The following MAN1A1 variants were observed in gnomAD, a reference collection of about 807,000 sequenced individuals.
The protein encoded by MAN1A1 is mannosidase alpha class 1A member 1, also known as mannosyl-oligosaccharide 1,2-alpha-mannosidase IA.
Under a neutral mutation model 70.8 loss-of-function variants are expected in MAN1A1, and 29 were observed. The observed-to-expected ratio is 0.41, with a 90% CI of 0.31 to 0.56. The LOEUF (loss-of-function observed/expected upper bound fraction) is 0.56, where lower values mean the gene tolerates loss of function less well. MAN1A1 is among the 20% of genes least tolerant of loss of function. MAN1A1 has a pLI of 0.29. For missense variants in MAN1A1, 747 were observed against 841.3 expected, an observed-to-expected ratio of 0.89 and a Z score of 1.39; for synonymous variants, 349 against 330.1, an observed-to-expected ratio of 1.06 and a Z score of -0.62.
At chr6:119,297,828 C>T (rs1451590691) in intron 4 of MAN1A1, among the ~76,000 whole-genome samples, 9 of 129,400 alleles carry the variant, frequency 7.0e-5, no homozygotes, top group South Asian at 2.4e-4. Context: ...ATAGAGATGG[C>T]GGCGGTGGGG....
chr6:119,274,941 T>C lies in MAN1A1; in HGVS notation c.897+15742A>G, dbSNP rs567729487. Among the ~76,000 whole-genome samples the C allele has an allele frequency of 3.3e-5, 5 of 152,326 alleles. No homozygotes were observed. In the South Asian group the frequency reaches 6.2e-4, roughly 19 times the overall value. ...TTAAAAATTCAAGGACAGCTTTGTGTTTTGAGAAAGACTTAAGTGCAATGA... is the reference window on the plus strand; with the variant it reads ...TTAAAAATTCAAGGACAGCTTTGTGCTTTGAGAAAGACTTAAGTGCAATGA... On this transcript the variant is annotated intron_variant, in intron 5 of 12. Coordinates refer to ENST00000368468, the MANE Select transcript of MAN1A1 (RefSeq NM_005907.4).
At chr6:119,209,879 G>C (rs1173491306) in intron 6 of MAN1A1, among the ~76,000 whole-genome samples, 1 of 152,132 alleles carries the variant, frequency 6.6e-6, no homozygotes, top group Non-Finnish European at 1.5e-5. Flanking sequence ...TCTGGGGAAA[G>C]GTGGCTAATA....
intron 2 of MAN1A1, among the ~76,000 whole-genome samples, chr6:119,310,992 G>A (rs952627942): frequency 1.3e-5 from 2 of 152,140 alleles, no homozygotes; most frequent in Admixed American, 6.5e-5. Context: ...GGTCACGGGC[G>A]AACGCATATG....
chr6:119,317,049 CTTTCT>C (rs1259272173), intron 2 of MAN1A1, among the ~76,000 whole-genome samples: 7 of 150,950 alleles, frequency 4.6e-5, no homozygotes, highest in African/African-American at 1.7e-4. Flanking sequence ...CCCTTTTATC[CTTTCT>C]TTTGTGTGTG....
At chr6:119,202,392 G>C (rs969677930) in intron 7 of MAN1A1, among the ~76,000 whole-genome samples, 1 of 152,012 alleles carries the variant, frequency 6.6e-6, no homozygotes, top group Non-Finnish European at 1.5e-5. Flanking sequence ...GCAGTAGCAC[G>C]CATGGAGCTG....
intron 2 of MAN1A1, among the ~76,000 whole-genome samples, chr6:119,331,599 A>ATAAT (rs1207147407): frequency 7.0e-6 from 1 of 143,654 alleles, no homozygotes; most frequent in East Asian, 2.0e-4. Flanking sequence ...ATATATATAT[A>ATAAT]ATCAAGGGGA....
At chr6:119,191,953 T>G (rs1773453691) in intron 9 of MAN1A1, among the ~76,000 whole-genome samples, 1 of 151,372 alleles carries the variant, frequency 6.6e-6, no homozygotes. Flanking sequence ...AATTTAGTTG[T>G]TCTAGCTTTG....
At chr6:119,293,398 T>G (rs539189193) in intron 4 of MAN1A1, among the ~76,000 whole-genome samples, 2 of 152,138 alleles carry the variant, frequency 1.3e-5, no homozygotes, top group African/African-American at 4.8e-5. Flanking sequence ...TCACTTGCTA[T>G]GGCTTTGGAT....
chr6:119,323,352 T>C (rs761900879), intron 2 of MAN1A1, among the ~76,000 whole-genome samples: 23 of 152,360 alleles, frequency 1.5e-4, no homozygotes, highest in African/African-American at 4.3e-4. Context: ...TTTTGCCATA[T>C]TGATGTAAGC....
At chr6:119,246,875 G>A (rs528004264) in intron 6 of MAN1A1, among the ~76,000 whole-genome samples, 1 of 152,204 alleles carries the variant, frequency 6.6e-6, no homozygotes, top group East Asian at 1.9e-4. Flanking sequence ...CAAGCTGACA[G>A]AGAAAGCCTG....
intron 4 of MAN1A1, among the ~76,000 whole-genome samples, chr6:119,291,981 G>A (rs890855551): frequency 2.0e-5 from 3 of 151,884 alleles, no homozygotes; most frequent in African/African-American, 7.2e-5. Flanking sequence ...GACTTATAGT[G>A]GTTAATGTGA....
In MAN1A1 at chr6:119,260,976, G is replaced by GCTTTTTTTTTTTTTTTTTTT. The variant is rs1554209499; in HGVS notation, c.898-12623_898-12622insAAAAAAAAAAAAAAAAAAAG. 6.0e-5 allele frequency among the ~76,000 whole-genome samples: 7 copies of GCTTTTTTTTTTTTTTTTTTT among 116,942 alleles called. 2 individuals carry two copies. The highest frequency in any genetic ancestry group is 2.0e-4 in the African/African-American group (6 of 29,832). 76.7% of individuals were successfully genotyped at this position (116,942 alleles called of 152,430 possible). ...TATCTAAATGTCTTGTTTTTTTATT[G>GCTTTTTTTTTTTTTTTTTTT]TTTTTTTTTTTTTTTTTTTTGAGAT... On this transcript the variant is annotated intron_variant, in intron 5 of 12. Transcript: ENST00000368468.
chr6:119,324,108 G>A lies in MAN1A1; in HGVS notation c.604-17116C>T, dbSNP rs78681435. On this transcript the variant is annotated intron_variant, in intron 2 of 12. Coordinates refer to ENST00000368468, the MANE Select transcript of MAN1A1 (RefSeq NM_005907.4). ...TTGAACAACATGGGTTTGAACTGTGGGAGTCTGTTTATACTTGGATTTTCT... is the reference window on the plus strand; with the variant it reads ...TTGAACAACATGGGTTTGAACTGTGAGAGTCTGTTTATACTTGGATTTTCT... 5.9e-3 allele frequency among the ~76,000 whole-genome samples: 895 copies of A among 152,150 alleles called. 30 individuals carry two copies. The East Asian group carries it at 0.09, about 15-fold the overall frequency.
Position 119,266,622 on chromosome 6 carries a change from C to T in MAN1A1, c.898-18268G>A, listed in dbSNP as rs186309686. 9.2e-3 allele frequency among the ~76,000 whole-genome samples: 1,400 copies of T among 152,082 alleles called. 11 individuals carry two copies. The highest frequency in any genetic ancestry group is 0.012 in the Non-Finnish European group (838 of 67,960). On this transcript the variant is annotated intron_variant, in intron 5 of 12. Transcript: ENST00000368468. Reference sequence around the variant, plus strand: ...GGATCATAGACCTAAATGTAAAATGCAATACTATAAAACTCCTAGAAGATA... The same window carrying T: ...GGATCATAGACCTAAATGTAAAATGTAATACTATAAAACTCCTAGAAGATA...
At chr6:119,276,711 T>C (rs1299109438) in intron 5 of MAN1A1, among the ~76,000 whole-genome samples, 1 of 152,196 alleles carries the variant, frequency 6.6e-6, no homozygotes, top group African/African-American at 2.4e-5. Context: ...AATCATAATA[T>C]CAAGTTAGAC....
intron 4 of MAN1A1, among the ~76,000 whole-genome samples, chr6:119,291,900 T>G (rs932791559): frequency 2.0e-5 from 3 of 152,128 alleles, no homozygotes; most frequent in African/African-American, 7.2e-5. Context: ...TTATATAGAC[T>G]CTTTTAGTCC....
At position 119,178,471 on chromosome 6, in the gene MAN1A1, A is replaced by AAT. The variant is rs1773060781; in HGVS notation, c.*1346_*1347dup. On this transcript the variant is annotated 3_prime_UTR_variant, in exon 13 of 13. Transcript: ENST00000368468. ...CCTTTCATGGAAGTATATCTACATA[A>AAT]ATATATATGTATATATAGTGGGCCA... 1 of 152,104 alleles carries AAT rather than the reference A, an allele frequency of 6.6e-6. No individual in the cohort carries two copies. The highest frequency in any genetic ancestry group is 2.1e-4 in the South Asian group (1 of 4,826). 9.4% of individuals were successfully genotyped at this position (152,104 alleles called of 1,614,324 possible). A position where few individuals can be genotyped will look rare whatever the true frequency, so the allele number is the denominator to read the frequency against.
intron 6 of MAN1A1, among the ~76,000 whole-genome samples, chr6:119,222,096 T>C (rs1367148731): frequency 1.3e-5 from 2 of 152,162 alleles, no homozygotes; most frequent in African/African-American, 4.8e-5. Flanking sequence ...TTTCCTCAAA[T>C]GACCTAGTAT....
chr6:119,258,324 C>T (rs1034058414), intron 5 of MAN1A1, among the ~76,000 whole-genome samples: 2 of 152,186 alleles, frequency 1.3e-5, no homozygotes, highest in African/African-American at 4.8e-5. Context: ...GGTTCCACAT[C>T]TGTGGTATCA....
Sources: allele counts gnomAD v4.1 joint callset (sites outside exome capture counted in the v4.1 genomes callset), GRCh38; gene constraint gnomAD v4.1.1; transcripts MANE v1.5; gene names NCBI Gene and HGNC (gene_info 2026-07-23, HGNC 2026-07-21).